EGFR: variants seen among roughly 807,000 people sequenced by gnomAD.
EGFR encodes the protein avian erythroblastic leukemia viral (v-erb-b) oncogene homolog.
A neutral mutation model predicts 143.0 loss-of-function variants in EGFR; 58 were observed. The ratio of observed to expected loss-of-function variants is 0.41; its 90% CI spans 0.33 to 0.50. The LOEUF (loss-of-function observed/expected upper bound fraction) is 0.50, where lower values mean the gene tolerates loss of function less well. EGFR is among the 20% of genes least tolerant of loss of function. The probability of loss-of-function intolerance (pLI) is 0.39; values close to 1 mark genes in which losing one functional copy is unlikely to be tolerated. For synonymous variants in EGFR, 613 were observed against 594.4 expected (o/e 1.03, Z -0.45); for missense variants, 1,307 against 1,579.0 (o/e 0.83, Z 2.92).
At chr7:55,058,775 A>C (rs575923278) in intron 1 of EGFR, among the ~76,000 whole-genome samples, 1 of 152,296 alleles carries the variant, frequency 6.6e-6, no homozygotes, top group East Asian at 1.9e-4. Context: ...TCTGTACAAC[A>C]AACTACTATG....
intron 1 of EGFR, among the ~76,000 whole-genome samples, chr7:55,124,723 A>G (rs78048883): frequency 9.2e-5 from 14 of 152,232 alleles, no homozygotes; most frequent in African/African-American, 3.1e-4. Context: ...ACCAGACACT[A>G]TCTCAGGCTG....
chr7:55,059,279 T>C (rs1036181580), intron 1 of EGFR, among the ~76,000 whole-genome samples: 8 of 152,208 alleles, frequency 5.3e-5, no homozygotes, highest in African/African-American at 1.9e-4. Flanking sequence ...GTGAAAGAAC[T>C]TTCTCTTTTA....
At chr7:55,182,623 G>A (rs974217110) in intron 20 of EGFR, 8 of 152,156 alleles carry the variant, frequency 5.3e-5, no homozygotes, top group South Asian at 2.1e-4. Context: ...GTAGAAGCAG[G>A]GACCACCTCC....
At chr7:55,108,754 A>C (rs921839681) in intron 1 of EGFR, among the ~76,000 whole-genome samples, 13 of 152,190 alleles carry the variant, frequency 8.5e-5, no homozygotes, top group African/African-American at 2.9e-4. Flanking sequence ...AGTCACTCCA[A>C]ACCGAAATTC....
chr7:55,080,368 T>TA (rs59060240), intron 1 of EGFR, among the ~76,000 whole-genome samples: 31,557 of 144,164 alleles, frequency 0.22, 3,996 homozygotes, highest in African/African-American at 0.36. Flanking sequence ...TATTCAGTCT[T>TA]AAAAAAAAAA....
At chr7:55,179,394 A>G (rs149966900) in intron 19 of EGFR, among the ~76,000 whole-genome samples, 1 of 152,362 alleles carries the variant, frequency 6.6e-6, no homozygotes, top group East Asian at 1.9e-4. Flanking sequence ...TCTGAAGGAA[A>G]AACTGCAAGA....
At chr7:55,066,741 G>C (rs1378360810) in intron 1 of EGFR, among the ~76,000 whole-genome samples, 1 of 152,166 alleles carries the variant, frequency 6.6e-6, no homozygotes, top group Non-Finnish European at 1.5e-5. Flanking sequence ...TAAGCAAGAG[G>C]CTCCTCAGGT....
chr7:55,162,879 C>A (rs753681416), intron 13 of EGFR, among the ~76,000 whole-genome samples: 5 of 152,168 alleles, frequency 3.3e-5, no homozygotes, highest in Non-Finnish European at 5.9e-5. Context: ...CAACCTCTGC[C>A]CCCTGAGTTC....
Position 55,077,002 on chromosome 7 carries a change from A to G in EGFR, c.88+57637A>G, listed in dbSNP as rs568359777. On this transcript the variant is annotated intron_variant, in intron 1 of 27. Transcript: ENST00000275493. ...GTTCACTACAGTCATAAGATACACAAAGGCAGAATGTAAGCCATACAAAAA... is the reference window on the plus strand; with the variant it reads ...GTTCACTACAGTCATAAGATACACAGAGGCAGAATGTAAGCCATACAAAAA... Among the ~76,000 whole-genome samples the G allele has an allele frequency of 2.2e-4, 34 of 151,946 alleles. No homozygotes were observed. The South Asian group carries it at 2.7e-3, about 12-fold the overall frequency.
intron 1 of EGFR, among the ~76,000 whole-genome samples, chr7:55,136,557 A>G (rs1357307900): frequency 6.6e-6 from 1 of 152,210 alleles, no homozygotes; most frequent in Non-Finnish European, 1.5e-5. Context: ...CTATCTATAT[A>G]TACACATATG....
chr7:55,148,543 A>G (rs1462850344), intron 4 of EGFR, among the ~76,000 whole-genome samples: 1 of 152,250 alleles, frequency 6.6e-6, no homozygotes, highest in Non-Finnish European at 1.5e-5. Context: ...TCAAAAGTCT[A>G]TAAAGAACTG....
At chr7:55,131,691 G>A (rs1054177231) in intron 1 of EGFR, among the ~76,000 whole-genome samples, 11 of 152,184 alleles carry the variant, frequency 7.2e-5, no homozygotes. Flanking sequence ...TGGCTGTCCT[G>A]CTCCTGTCAG....
intron 1 of EGFR, among the ~76,000 whole-genome samples, chr7:55,033,270 G>A (rs923479937): frequency 2.6e-5 from 4 of 152,146 alleles, no homozygotes; most frequent in African/African-American, 4.8e-5. Context: ...CAAATGTACC[G>A]AAAAAATCTT....
intron 1 of EGFR, among the ~76,000 whole-genome samples, chr7:55,127,052 T>C (rs916457843): frequency 6.6e-6 from 1 of 152,194 alleles, no homozygotes; most frequent in African/African-American, 2.4e-5. Context: ...TAATGTACCA[T>C]CTAGTTAATA....
chr7:55,109,376 G>C (rs1270209875), intron 1 of EGFR, among the ~76,000 whole-genome samples: 6 of 152,156 alleles, frequency 3.9e-5, no homozygotes, highest in Non-Finnish European at 7.3e-5. Context: ...TGGAAGAATC[G>C]GGTGTTGGGA....
chr7:55,189,529 G>A (rs1273783384), intron 20 of EGFR, among the ~76,000 whole-genome samples: 1 of 152,224 alleles, frequency 6.6e-6, no homozygotes, highest in Non-Finnish European at 1.5e-5. Context: ...ATGAAAGTTA[G>A]CAGTGGTGGT....
chr7:55,135,196 A>T (rs1794067148), intron 1 of EGFR, among the ~76,000 whole-genome samples: 1 of 152,032 alleles, frequency 6.6e-6, no homozygotes, highest in Non-Finnish European at 1.5e-5. Context: ...TAGAAGGAGA[A>T]TCATGGGGTT....
At chr7:55,114,031 C>G (rs1240334481) in intron 1 of EGFR, among the ~76,000 whole-genome samples, 2 of 152,206 alleles carry the variant, frequency 1.3e-5, no homozygotes, top group African/African-American at 4.8e-5. Flanking sequence ...GGTGCCAAAA[C>G]CAGGTTCCTT....
chr7:55,127,797 T>C (rs1294785651), intron 1 of EGFR, among the ~76,000 whole-genome samples: 1 of 151,976 alleles, frequency 6.6e-6, no homozygotes, highest in Non-Finnish European at 1.5e-5. Flanking sequence ...AACCAGGCAG[T>C]CAACTTAAAA....
Sources: allele counts gnomAD v4.1 joint callset (sites outside exome capture counted in the v4.1 genomes callset), GRCh38; gene constraint gnomAD v4.1.1; transcripts MANE v1.5; gene names NCBI Gene and HGNC (gene_info 2026-07-23, HGNC 2026-07-21).